MBNL1: variants seen among roughly 807,000 people sequenced by gnomAD.
MBNL1 encodes the protein muscleblind like splicing regulator 1, also known as muscleblind-like protein 1.
A neutral mutation model predicts 42.2 loss-of-function variants in MBNL1; 8 were observed. That is an observed-to-expected ratio of 0.19 (90% CI 0.11 to 0.34). The LOEUF is 0.34. Ranked by LOEUF, MBNL1 falls within the 10% of genes least tolerant of loss-of-function variation. MBNL1 has a pLI of 1.00. For missense variants in MBNL1, 309 were observed against 495.3 expected, an observed-to-expected ratio of 0.62 and a Z score of 3.57; for synonymous variants, 169 against 173.9, an observed-to-expected ratio of 0.97 and a Z score of 0.22.
chr3:152,463,915 T>C lies in MBNL1; in HGVS notation c.*1549T>C, dbSNP rs1216479738. 6.6e-6 allele frequency: 1 copy of C among 152,516 alleles called. No individual in the cohort carries two copies. The highest frequency in any genetic ancestry group is 2.4e-5 in the African/African-American group (1 of 41,430). The allele number at this position is 152,516 out of a possible 1,614,324, so 9.4% of individuals were successfully genotyped here. A position where few individuals can be genotyped will look rare whatever the true frequency, so the allele number is the denominator to read the frequency against. The stretch of plus-strand genomic sequence containing the variant: ...CATACTTCCAAGTTTACTGCAAGTT[T>C]TTATGCTTGAGAGAGATGCTTTCTA... On this transcript the variant is annotated 3_prime_UTR_variant, in exon 10 of 10. Transcript: ENST00000324210.
chr3:152,267,633 T>TA (rs1405453796), upstream of MBNL1: 1 of 152,214 alleles, frequency 6.6e-6, no homozygotes, highest in Non-Finnish European at 1.5e-5. Context: ...TGAGTCCTTT[T>TA]AAACGATTAA....
intron 2 of MBNL1, among the ~76,000 whole-genome samples, chr3:152,407,073 T>TGTGTGTGTGTGTGTGTGTG (rs57861310): frequency 2.2e-3 from 329 of 149,008 alleles, no homozygotes; most frequent in Middle Eastern, 6.8e-3. Flanking sequence ...GTGTGTGTGT[T>TGTGTGTGTGTGTGTGTGTG]TGTGTGAACT....
At chr3:152,323,946 T>C (rs547702243) in intron 2 of MBNL1, among the ~76,000 whole-genome samples, 1 of 152,176 alleles carries the variant, frequency 6.6e-6, no homozygotes, top group African/African-American at 2.4e-5. Flanking sequence ...ACACCTTTTA[T>C]ATGACATGCA....
chr3:152,332,739 T>TGTGTGAGC, intron 2 of MBNL1, among the ~76,000 whole-genome samples: 1 of 115,702 alleles, frequency 8.6e-6, no homozygotes, highest in Non-Finnish European at 1.9e-5. Flanking sequence ...TGTGTGTGTG[T>TGTGTGAGC]GCGCGCGCGC....
chr3:152,429,774 TGAA>T, intron 3 of MBNL1, among the ~76,000 whole-genome samples: 1 of 151,914 alleles, frequency 6.6e-6, no homozygotes, highest in East Asian at 1.9e-4. Context: ...TTAAAATAAA[TGAA>T]GGAATGGTGT....
In MBNL1 at chr3:152,428,883, A is replaced by T. The variant is rs79179485; in HGVS notation, c.346-3834A>T. 8.9e-3 allele frequency among the ~76,000 whole-genome samples: 1,354 copies of T among 152,298 alleles called. 30 individuals are homozygous for T. The highest frequency in any genetic ancestry group is 0.031 in the African/African-American group (1,284 of 41,544). On this transcript the variant is annotated intron_variant, in intron 3 of 9. Coordinates refer to ENST00000324210, the MANE Select transcript of MBNL1 (RefSeq NM_021038.5). ...TTGATTCACTCATTTGTGTCTATAGACACATAATCTTTGTGATCCTTTTTC... is the reference window on the plus strand; with the variant it reads ...TTGATTCACTCATTTGTGTCTATAGTCACATAATCTTTGTGATCCTTTTTC...
chr3:152,412,103 A>G (rs2098594720), intron 2 of MBNL1, among the ~76,000 whole-genome samples: 2 of 152,212 alleles, frequency 1.3e-5, no homozygotes, highest in Non-Finnish European at 2.9e-5. Flanking sequence ...AAAGGAAGGT[A>G]TGTTCCTGGT....
rs74777738 is a variant in MBNL1, at chr3:152,320,429, G to A, written c.174+20062G>A. Among the ~76,000 whole-genome samples, 392 of 152,206 alleles carry A rather than the reference G, an allele frequency of 2.6e-3. 1 individual carries two copies. Among genetic ancestry groups the A allele is most frequent in the African/African-American group, 9.1e-3 (379 of 41,532 alleles). ...TGCCATGTTTTGTATGTTATCTTGT[G>A]CAGGCAGCACATGGGGACCTAGTCA... On this transcript the variant is annotated intron_variant, in intron 2 of 9. Coordinates refer to ENST00000324210, the MANE Select transcript of MBNL1 (RefSeq NM_021038.5).
intron 2 of MBNL1, among the ~76,000 whole-genome samples, chr3:152,387,894 A>G (rs1014822439): frequency 1.3e-5 from 2 of 152,210 alleles, no homozygotes; most frequent in African/African-American, 4.8e-5. Flanking sequence ...AAAGGATGAG[A>G]TGGTATTATT....
rs763828262 is a variant in MBNL1, at chr3:152,300,143, G to T, written c.-51G>T. 4.7e-6 allele frequency: 6 copies of T among 1,271,460 alleles called. No homozygotes were observed. Among genetic ancestry groups the T allele is most frequent in the Non-Finnish European group, 5.4e-6 (5 of 921,694 alleles). The allele number at this position is 1,271,460 out of a possible 1,614,324, so 78.8% of individuals were successfully genotyped here. On this transcript the variant is annotated 5_prime_UTR_variant, in exon 2 of 10. Coordinates refer to ENST00000324210, the MANE Select transcript of MBNL1 (RefSeq NM_021038.5). Reference sequence around the variant, plus strand: ...TTGGTTGTTGCTCTTTTTTGGGGGGGTTGGGTTTGTTGGTTTCACTGAAAC... The same window carrying T: ...TTGGTTGTTGCTCTTTTTTGGGGGGTTTGGGTTTGTTGGTTTCACTGAAAC...
At chr3:152,376,795 C>T (rs748445924) in intron 2 of MBNL1, among the ~76,000 whole-genome samples, 12 of 152,080 alleles carry the variant, frequency 7.9e-5, no homozygotes, top group Non-Finnish European at 1.6e-4. Flanking sequence ...CACACACACA[C>T]GTGCATGCGC....
intron 2 of MBNL1, among the ~76,000 whole-genome samples, chr3:152,309,675 A>T (rs935009818): frequency 2.0e-5 from 3 of 152,202 alleles, no homozygotes; most frequent in African/African-American, 7.2e-5. Flanking sequence ...AGACATAATC[A>T]GTGTTTAGGA....
chr3:152,378,990 A>G (rs905131930), intron 2 of MBNL1, among the ~76,000 whole-genome samples: 3 of 152,174 alleles, frequency 2.0e-5, no homozygotes, highest in Non-Finnish European at 4.4e-5. Flanking sequence ...TGGTAAGATT[A>G]CAGGTATGAG....
At chr3:152,340,825 A>G in intron 2 of MBNL1, 1 of 1,613,938 alleles carries the variant, frequency 6.2e-7, no homozygotes. Flanking sequence ...ATAACCACTG[A>G]TCCCACCTAA....
At chr3:152,331,042 CGTG>C (rs900404927) in intron 2 of MBNL1, among the ~76,000 whole-genome samples, 1 of 152,096 alleles carries the variant, frequency 6.6e-6, no homozygotes, top group Admixed American at 6.6e-5. Flanking sequence ...AACCATTTTA[CGTG>C]AACACCAAAT....
chr3:152,307,247 C>T (rs899318879), intron 2 of MBNL1, among the ~76,000 whole-genome samples: 4 of 152,192 alleles, frequency 2.6e-5, no homozygotes, highest in African/African-American at 9.7e-5. Flanking sequence ...CCTTGGCCTT[C>T]CAAAGTGCTG....
At chr3:152,281,299 T>C (rs965249996) in intron 1 of MBNL1, among the ~76,000 whole-genome samples, 1 of 152,102 alleles carries the variant, frequency 6.6e-6, no homozygotes, top group Admixed American at 6.6e-5. Flanking sequence ...TTGCTGTTTT[T>C]CTGCTTGTTT....
chr3:152,289,497 T>G (rs2054566115), intron 1 of MBNL1, among the ~76,000 whole-genome samples: 1 of 152,064 alleles, frequency 6.6e-6, no homozygotes, highest in African/African-American at 2.4e-5. Context: ...CTTAGTCTTT[T>G]AAACCAGGGA....
intron 2 of MBNL1, among the ~76,000 whole-genome samples, chr3:152,360,748 A>G (rs1309987054): frequency 6.6e-6 from 1 of 152,162 alleles, no homozygotes; most frequent in Non-Finnish European, 1.5e-5. Context: ...AATAAATACC[A>G]TATACCATTC....
Sources: allele counts gnomAD v4.1 joint callset (sites outside exome capture counted in the v4.1 genomes callset), GRCh38; gene constraint gnomAD v4.1.1; transcripts MANE v1.5; gene names NCBI Gene and HGNC (gene_info 2026-07-23, HGNC 2026-07-21).